The following NPFFR2 variants were observed in gnomAD, a reference collection of about 807,000 sequenced individuals.
The protein encoded by NPFFR2 is G-protein coupled receptor 74.
A neutral mutation model predicts 13.1 loss-of-function variants in NPFFR2; 15 were observed. The observed-to-expected ratio is 1.15, with a 90% CI of 0.77 to 1.76. The LOEUF is 1.76. NPFFR2 is among the 40% of genes most tolerant of loss of function. NPFFR2 has a pLI of 0.00. For synonymous variants in NPFFR2, 190 were observed against 175.7 expected (o/e 1.08, Z -0.65); for missense variants, 572 against 503.5 (o/e 1.14, Z -1.30).
chr4:72,086,943 A>T (rs574917785), intron 1 of NPFFR2, among the ~76,000 whole-genome samples: 7 of 152,196 alleles, frequency 4.6e-5, no homozygotes, highest in South Asian at 4.2e-4. Flanking sequence ...TAATAATAAT[A>T]AAGTTAGTAA....
intron 1 of NPFFR2, among the ~76,000 whole-genome samples, chr4:72,127,351 A>ATTTTTTT (rs1560419389): frequency 8.1e-6 from 1 of 123,388 alleles, no homozygotes; most frequent in African/African-American, 3.4e-5. Context: ...ATTCTAAATA[A>ATTTTTTT]TTTCTTTTCT....
chr4:72,045,590 C>T (rs1043376196), intron 1 of NPFFR2, among the ~76,000 whole-genome samples: 1 of 152,172 alleles, frequency 6.6e-6, no homozygotes, highest in Middle Eastern at 3.2e-3. Context: ...GCATTTAGTA[C>T]ATCTAACCTT....
chr4:72,089,001 T>A lies in NPFFR2; in HGVS notation c.-7-39584T>A, dbSNP rs562301165. ...ACCCTCTCCCACCCTTTCCACTGAG[T>A]CCTCAAAATCCATTGTATCATTCTT... On this transcript the variant is annotated intron_variant, in intron 1 of 3. Transcript: ENST00000308744. Among the ~76,000 whole-genome samples, 10 of 152,088 alleles carry A rather than the reference T, an allele frequency of 6.6e-5. No homozygotes were observed. In the East Asian group the frequency reaches 9.7e-4, roughly 15 times the overall value.
At chr4:72,081,267 T>C (rs1158755433) in intron 1 of NPFFR2, among the ~76,000 whole-genome samples, 1 of 152,200 alleles carries the variant, frequency 6.6e-6, no homozygotes, top group Non-Finnish European at 1.5e-5. Context: ...TGCTTTCTGC[T>C]ATACAACAGA....
At chr4:72,068,048 C>A (rs1253239157) in intron 1 of NPFFR2, among the ~76,000 whole-genome samples, 5 of 152,146 alleles carry the variant, frequency 3.3e-5, no homozygotes, top group Non-Finnish European at 7.3e-5. Flanking sequence ...AAAAGTTTTC[C>A]AGTCTGTAGC....
chr4:72,145,536 G>A (rs142473140), intron 3 of NPFFR2, among the ~76,000 whole-genome samples: 6 of 152,060 alleles, frequency 3.9e-5, no homozygotes, highest in Admixed American at 2.6e-4. Context: ...AAATACATAC[G>A]TTTGTGTCTA....
intron 2 of NPFFR2, among the ~76,000 whole-genome samples, chr4:72,135,137 A>G (rs554872045): frequency 2.1e-4 from 32 of 152,170 alleles, no homozygotes; most frequent in African/African-American, 7.2e-4. Flanking sequence ...CATGATATTT[A>G]ATTCTTTCTT....
intron 1 of NPFFR2, among the ~76,000 whole-genome samples, chr4:72,054,208 TTTAA>T (rs1392103847): frequency 6.6e-6 from 1 of 151,780 alleles, no homozygotes; most frequent in African/African-American, 2.4e-5. Flanking sequence ...AATGAACAAG[TTTAA>T]TTAGACTACT....
chr4:72,147,387 G>A lies in NPFFR2; in HGVS notation c.838G>A (p.Ala280Thr). 6.2e-7 allele frequency: 1 copy of A among 1,614,108 alleles called. No individual in the cohort carries two copies. The highest frequency in any genetic ancestry group is 2.2e-5 in the East Asian group (1 of 44,880). ...QKIIKMLLIV[A>T]LLFILSWLPL... ...GATCATTAAGATGCTCCTGATTGTG[G>A]CCCTGCTTTTTATTCTCTCATGGCT... is the stretch of plus-strand genomic sequence containing the variant. The change falls in exon 4 of 4, where the codon GCC becomes ACC. Residue 280 changes from alanine (A) to threonine (T), a missense_variant. Coordinates refer to ENST00000308744, the MANE Select transcript of NPFFR2 (RefSeq NM_004885.3).
At position 72,128,665 on chromosome 4, in the gene NPFFR2, A is replaced by C. The variant is rs767790869; in HGVS notation, c.74A>C (p.His25Pro). 4 of 1,613,916 alleles carry C rather than the reference A, an allele frequency of 2.5e-6. No homozygotes were observed. The South Asian group carries it at 3.3e-5, about 13-fold the overall frequency. The change falls in exon 2 of 4, where the codon CAT (histidine) becomes CCT (proline). Residue 25 changes from histidine (H) to proline (P), a missense_variant. Physicochemically the swap from His to Pro is moderately conservative, Grantham distance 77. Transcript: ENST00000308744. ...TGGAATGTCAATGACACAAAGCATC[A>C]TCTGTACTCAGATATTAATATTACC... ...PIWNVNDTKH[H>P]LYSDINITYV...
chr4:72,083,537 A>T (rs539200245), intron 1 of NPFFR2, among the ~76,000 whole-genome samples: 1 of 152,240 alleles, frequency 6.6e-6, no homozygotes, highest in South Asian at 2.1e-4. Context: ...TGGCTTTAGG[A>T]ACACCATGTT....
chr4:72,133,440 A>T (rs1722314226), intron 2 of NPFFR2, among the ~76,000 whole-genome samples: 1 of 152,130 alleles, frequency 6.6e-6, no homozygotes, highest in African/African-American at 2.4e-5. Context: ...GTTGGGTAGC[A>T]TAATGCCTCC....
At chr4:72,121,417 C>T (rs1051999461) in intron 1 of NPFFR2, among the ~76,000 whole-genome samples, 2 of 152,000 alleles carry the variant, frequency 1.3e-5, no homozygotes, top group African/African-American at 4.8e-5. Flanking sequence ...AAAGATACTC[C>T]CTGAGAAGAG....
intron 1 of NPFFR2, among the ~76,000 whole-genome samples, chr4:72,119,560 GA>G (rs1456707867): frequency 6.6e-6 from 1 of 152,100 alleles, no homozygotes; most frequent in Non-Finnish European, 1.5e-5. Context: ...GTGATTTCTG[GA>G]TTTCCAACTG....
chr4:72,076,727 A>G (rs897193880), intron 1 of NPFFR2, among the ~76,000 whole-genome samples: 5 of 152,156 alleles, frequency 3.3e-5, no homozygotes, highest in Admixed American at 3.3e-4. Context: ...AGATCATTTT[A>G]GCACAAATAC....
intron 1 of NPFFR2, among the ~76,000 whole-genome samples, chr4:72,103,509 C>T (rs1721319060): frequency 6.6e-6 from 1 of 152,006 alleles, no homozygotes; most frequent in South Asian, 2.1e-4. Context: ...ATATTTTACT[C>T]GGTTTCAGGC....
intron 1 of NPFFR2, among the ~76,000 whole-genome samples, chr4:72,068,447 T>C (rs944110673): frequency 1.3e-5 from 2 of 152,202 alleles, no homozygotes; most frequent in African/African-American, 4.8e-5. Context: ...TAATCACTTC[T>C]TAAAGGCCCT....
intron 1 of NPFFR2, among the ~76,000 whole-genome samples, chr4:72,056,158 A>G (rs1719738458): frequency 6.6e-6 from 1 of 152,022 alleles, no homozygotes; most frequent in Non-Finnish European, 1.5e-5. Flanking sequence ...TCATAGCTAG[A>G]GAGAAGAAGA....
At chr4:72,083,834 T>C (rs1720695926) in intron 1 of NPFFR2, among the ~76,000 whole-genome samples, 1 of 152,190 alleles carries the variant, frequency 6.6e-6, no homozygotes, top group Non-Finnish European at 1.5e-5. Context: ...AGGCATCTTA[T>C]ATTTAGTACG....
Sources: gnomAD v4.1 joint callset for allele counts (sites outside exome capture counted in the v4.1 genomes callset) on GRCh38, gnomAD v4.1.1 for gene constraint, MANE v1.5 for transcripts, NCBI Gene and HGNC (gene_info 2026-07-23, HGNC 2026-07-21) for gene names.